Variants in OR2L13 observed in about 807,000 individuals in gnomAD.
The protein encoded by OR2L13 is olfactory receptor 2L13.
A neutral mutation model predicts 15.3 loss-of-function variants in OR2L13; 14 were observed. That is an observed-to-expected ratio of 0.91 (90% CI 0.60 to 1.43). The LOEUF (loss-of-function observed/expected upper bound fraction) is 1.43, where lower values mean the gene tolerates loss of function less well. Among genes scored for constraint, OR2L13 ranks in the 40% most tolerant of loss-of-function variants. The probability of loss-of-function intolerance (pLI) is 0.00; values close to 1 mark genes in which losing one functional copy is unlikely to be tolerated. For missense variants in OR2L13, 367 were observed against 387.9 expected (o/e 0.95, Z 0.45); for synonymous variants, 152 against 142.9 (o/e 1.06, Z -0.45).
At chr1:247,977,181 C>A in the OR2L13 span, among the ~76,000 whole-genome samples, 2 of 152,148 alleles carry the variant, frequency 1.3e-5, no homozygotes, top group Non-Finnish European at 1.5e-5. Flanking sequence ...TCTTAAGTAC[C>A]TGTTCTATGT....
the OR2L13 span, chr1:247,949,483 C>T: frequency 5.0e-6 from 8 of 1,611,678 alleles, no homozygotes; most frequent in Admixed American, 1.3e-4. Context: ...CTCGTGTTTC[C>T]CTTCATTGGT....
At chr1:248,072,258 T>C in the OR2L13 span, among the ~76,000 whole-genome samples, 1 of 152,158 alleles carries the variant, frequency 6.6e-6, no homozygotes, top group East Asian at 1.9e-4. Flanking sequence ...CAAAACAGCA[T>C]GGTACTGGTA....
the OR2L13 span, among the ~76,000 whole-genome samples, chr1:248,006,888 C>T: frequency 6.6e-6 from 1 of 152,190 alleles, no homozygotes; most frequent in Non-Finnish European, 1.5e-5. Flanking sequence ...TTAAATTTCA[C>T]AGGTTCCACA....
At chr1:247,958,828 A>G in the OR2L13 span, among the ~76,000 whole-genome samples, 850 of 151,842 alleles carry the variant, frequency 5.6e-3, 12 homozygotes, top group African/African-American at 0.019. Flanking sequence ...TTTTGAGCCT[A>G]TGTGTGTCTC....
At chr1:247,955,419 G>A in the OR2L13 span, among the ~76,000 whole-genome samples, 6 of 151,172 alleles carry the variant, frequency 4.0e-5, no homozygotes, top group South Asian at 8.5e-4. Flanking sequence ...ATGTGTGCAT[G>A]TGTCTTTATA....
chr1:248,036,216 T>A, the OR2L13 span, among the ~76,000 whole-genome samples: 1 of 152,166 alleles, frequency 6.6e-6, no homozygotes, highest in Non-Finnish European at 1.5e-5. Context: ...ATTAATTTTC[T>A]AATATTTTTG....
the OR2L13 span, among the ~76,000 whole-genome samples, chr1:248,069,593 CATA>C: frequency 6.6e-6 from 1 of 152,170 alleles, no homozygotes; most frequent in South Asian, 2.1e-4. Flanking sequence ...CAGCTAACAT[CATA>C]ATGACAGGAT....
chr1:247,965,509 C>G, the OR2L13 span: 1 of 1,613,442 alleles, frequency 6.2e-7, no homozygotes, highest in South Asian at 1.1e-5. Context: ...AAATATCATG[C>G]TGATCCACCT....
the OR2L13 span, chr1:248,061,030 A>G: frequency 5.6e-6 from 9 of 1,613,972 alleles, no homozygotes; most frequent in African/African-American, 1.3e-5. Context: ...TTTGGCATCT[A>G]TGGCCTATGA....
At chr1:248,090,118 G>A in the OR2L13 span, among the ~76,000 whole-genome samples, 1 of 152,028 alleles carries the variant, frequency 6.6e-6, no homozygotes, top group Non-Finnish European at 1.5e-5. Flanking sequence ...TTGCCCCCCT[G>A]TAATAAATTC....
the OR2L13 span, among the ~76,000 whole-genome samples, chr1:247,972,909 A>T: frequency 2.0e-5 from 3 of 152,242 alleles, no homozygotes; most frequent in Non-Finnish European, 4.4e-5. Flanking sequence ...CCAGCAGTAC[A>T]TCAAAAAGCT....
the OR2L13 span, among the ~76,000 whole-genome samples, chr1:247,984,998 G>A: frequency 2.0e-5 from 3 of 152,006 alleles, no homozygotes; most frequent in Non-Finnish European, 4.4e-5. Flanking sequence ...GCCTCTTCAT[G>A]GCTTATTTCA....
the OR2L13 span, chr1:248,061,494 G>A: frequency 6.2e-7 from 1 of 1,613,924 alleles, no homozygotes; most frequent in Admixed American, 1.7e-5. Context: ...CAGAGGACAA[G>A]GTTCTGGCTG....
the OR2L13 span, chr1:248,023,953 A>T: frequency 6.6e-6 from 1 of 152,128 alleles, no homozygotes; most frequent in African/African-American, 2.4e-5. Context: ...CTCTGGAAAT[A>T]TAATTAAAGT....
the OR2L13 span, among the ~76,000 whole-genome samples, chr1:248,032,413 G>A: frequency 6.6e-6 from 1 of 152,064 alleles, no homozygotes; most frequent in East Asian, 1.9e-4. Flanking sequence ...GTGGCACTAA[G>A]TATATTTATA....
At chr1:248,042,442 T>A in the OR2L13 span, 2 of 151,820 alleles carry the variant, frequency 1.3e-5, no homozygotes, top group Non-Finnish European at 2.9e-5. Flanking sequence ...GCAGCATGGC[T>A]CATGTATACA....
the OR2L13 span, among the ~76,000 whole-genome samples, chr1:247,944,421 C>A: frequency 6.6e-6 from 1 of 152,034 alleles, no homozygotes; most frequent in East Asian, 1.9e-4. Context: ...GTGTTAGGCC[C>A]AGCATGCATT....
chr1:248,013,269 A>G, the OR2L13 span, among the ~76,000 whole-genome samples: 1 of 152,214 alleles, frequency 6.6e-6, no homozygotes, highest in Admixed American at 6.5e-5. Flanking sequence ...TGCAGTGAAT[A>G]ACAACATAAA....
At chr1:248,003,647 A>G in the OR2L13 span, 1 of 1,612,108 alleles carries the variant, frequency 6.2e-7, no homozygotes. Flanking sequence ...ATCTAGGGTT[A>G]TCAATCATTT....
Sources: gnomAD v4.1 joint callset for allele counts (sites outside exome capture counted in the v4.1 genomes callset) on GRCh38, gnomAD v4.1.1 for gene constraint, MANE v1.5 for transcripts, NCBI Gene and HGNC (gene_info 2026-07-23, HGNC 2026-07-21) for gene names.